PRH1: variants seen among roughly 807,000 people sequenced by gnomAD.
PRH1 encodes the protein salivary acidic proline-rich phosphoprotein 1/2.
A neutral mutation model predicts 7.9 loss-of-function variants in PRH1; 7 were observed. The observed-to-expected ratio is 0.89, with a 90% CI of 0.50 to 1.67. PRH1 has a LOEUF of 1.67. PRH1 is among the 40% of genes most tolerant of loss of function. The probability of loss-of-function intolerance (pLI) is 0.00; values close to 1 mark genes in which losing one functional copy is unlikely to be tolerated. For missense variants in PRH1, 109 were observed against 223.6 expected (o/e 0.49, Z 3.27); for synonymous variants, 45 against 80.8 (o/e 0.56, Z 2.38).
chr12:11,031,554 C>A (rs1942220214), intron 1 of PRH1: 3 of 534,536 alleles, frequency 5.6e-6, no homozygotes, highest in South Asian at 3.6e-5. Context: ...GGAAGGCGAC[C>A]CAGGCAGGTT....
At chr12:11,061,401 C>T (rs778835386) in intron 1 of PRH1, 4 of 1,613,892 alleles carry the variant, frequency 2.5e-6, no homozygotes, top group Admixed American at 3.3e-5. Flanking sequence ...TCACCCAGTA[C>T]CTCACATGCC....
intron 2 of PRH1, among the ~76,000 whole-genome samples, chr12:10,922,825 C>CTTTCTTTTT (rs1555107575): frequency 8.8e-6 from 1 of 113,550 alleles, no homozygotes; most frequent in African/African-American, 3.0e-5. Flanking sequence ...TGAATTTTTT[C>CTTTCTTTTT]TTTTTCTTTT....
At chr12:11,112,674 A>G (rs1945622819) in intron 1 of PRH1, among the ~76,000 whole-genome samples, 2 of 152,232 alleles carry the variant, frequency 1.3e-5, no homozygotes, top group South Asian at 4.1e-4. Flanking sequence ...AGTGCTATTT[A>G]TGACAAACCC....
intron 1 of PRH1, among the ~76,000 whole-genome samples, chr12:11,094,392 A>G (rs1409781628): frequency 1.8e-5 from 2 of 113,870 alleles, no homozygotes; most frequent in African/African-American, 5.9e-5. Flanking sequence ...CTCCTGCACA[A>G]AAACATAACT....
chr12:10,935,202 T>G (rs2135877713), intron 2 of PRH1, among the ~76,000 whole-genome samples: 2 of 152,302 alleles, frequency 1.3e-5, no homozygotes, highest in South Asian at 4.1e-4. Context: ...CTTATAGGAT[T>G]ATTGTCCAGG....
intron 1 of PRH1, among the ~76,000 whole-genome samples, chr12:11,043,776 T>A (rs1942808360): frequency 6.6e-6 from 1 of 152,020 alleles, no homozygotes; most frequent in African/African-American, 2.4e-5. Flanking sequence ...AAAACACTAA[T>A]GCAAGAAATT....
intron 1 of PRH1, chr12:11,133,037 T>A: frequency 7.2e-6 from 3 of 415,798 alleles, no homozygotes; most frequent in Non-Finnish European, 1.2e-5. Context: ...ATTGAGGAAT[T>A]TTTGTCATAT....
At chr12:10,937,161 C>T (rs1950301326) in intron 2 of PRH1, among the ~76,000 whole-genome samples, 1 of 151,892 alleles carries the variant, frequency 6.6e-6, no homozygotes, top group African/African-American at 2.4e-5. Context: ...TACCTTGCAG[C>T]TGCTTTCTGA....
chr12:11,044,187 T>C (rs1397961310), intron 1 of PRH1, among the ~76,000 whole-genome samples: 1 of 152,086 alleles, frequency 6.6e-6, no homozygotes, highest in East Asian at 1.9e-4. Context: ...GAACGTACAC[T>C]GGAAAAAGAC....
At chr12:11,162,182 T>C (rs1228197517) in intron 1 of PRH1, among the ~76,000 whole-genome samples, 1 of 152,180 alleles carries the variant, frequency 6.6e-6, no homozygotes, top group Non-Finnish European at 1.5e-5. Flanking sequence ...CAGAAAATGA[T>C]GGATAAGGGA....
At chr12:11,142,223 T>C (rs1946721076) in intron 1 of PRH1, among the ~76,000 whole-genome samples, 2 of 152,192 alleles carry the variant, frequency 1.3e-5, no homozygotes, top group South Asian at 4.1e-4. Context: ...CAAGCAACGA[T>C]GACCAGCTGA....
At chr12:10,977,116 T>C (rs1343522114) in intron 1 of PRH1, among the ~76,000 whole-genome samples, 1 of 151,886 alleles carries the variant, frequency 6.6e-6, no homozygotes, top group Non-Finnish European at 1.5e-5. Context: ...CAACAAAAAA[T>C]AGAAAACTTC....
chr12:11,117,323 C>T (rs886875154), downstream of PRH1, among the ~76,000 whole-genome samples: 1 of 151,918 alleles, frequency 6.6e-6, no homozygotes, highest in African/African-American at 2.4e-5. Flanking sequence ...AAAGGTCACA[C>T]ATAAAATTAA....
intron 2 of PRH1, among the ~76,000 whole-genome samples, chr12:10,893,831 A>T (rs1949608907): frequency 6.6e-6 from 1 of 152,260 alleles, no homozygotes; most frequent in Non-Finnish European, 1.5e-5. Flanking sequence ...CTTAGAGAGA[A>T]CGTAATTGTT....
chr12:11,168,220 GAAAGAAAGAAAGA>G lies in PRH1; in HGVS notation n.39+3189_39+3201del, dbSNP rs1947649285. On this transcript the variant is annotated intron_variant and non_coding_transcript_variant, in intron 1 of 1. Coordinates refer to the PRH1 transcript ENST00000541175. ...AAAAACGAAAGAAAGAAAGAAGAAA[GAAAGAAAGAAAGA>G]AAGAAAGAAAGAAAGAAAGAAAGAA... is the stretch of plus-strand genomic sequence containing the variant. Among the ~76,000 whole-genome samples the G allele has an allele frequency of 6.1e-4, 3 of 4,946 alleles. 1 individual carries two copies. Among genetic ancestry groups the G allele is most frequent in the Non-Finnish European group, 1.8e-3 (3 of 1,658 alleles). The allele number at this position is 4,946 out of a possible 152,430, so 3.2% of individuals were successfully genotyped here.
intron 2 of PRH1, among the ~76,000 whole-genome samples, chr12:10,941,703 C>A (rs944831687): frequency 1.3e-5 from 2 of 151,980 alleles, no homozygotes; most frequent in African/African-American, 2.4e-5. Context: ...TAACTAACCT[C>A]CTGAATTTTT....
chr12:11,053,611 CAT>C (rs993457889), intron 1 of PRH1, among the ~76,000 whole-genome samples: 196 of 152,090 alleles, frequency 1.3e-3, no homozygotes, highest in African/African-American at 4.3e-3. Context: ...TTGGAAATTA[CAT>C]AGACATTACC....
chr12:11,080,837 T>C (rs1944474229), intron 1 of PRH1, among the ~76,000 whole-genome samples: 1 of 103,506 alleles, frequency 9.7e-6, no homozygotes, highest in Non-Finnish European at 2.4e-5. Context: ...ATGATTCCCA[T>C]GATTCCATTG....
rs1470370095 is a variant in PRH1 at position 11,030,247 on chromosome 12, T to G, written c.-126+16773A>C. 7 of 1,254,312 alleles carry G rather than the reference T, an allele frequency of 5.6e-6. No homozygotes were observed. The African/African-American group carries it at 9.1e-5, about 16-fold the overall frequency. The allele number at this position is 1,254,312 out of a possible 1,614,324, so 77.7% of individuals were successfully genotyped here. A position where few individuals can be genotyped will look rare whatever the true frequency, so the allele number is the denominator to read the frequency against. ...CATAAACACACACATATATATATTT[T>G]TTTTTCTAGACTAATATTAGGTCAA... On this transcript the variant is annotated intron_variant, in intron 1 of 3. Transcript: ENST00000539853.
Sources: allele counts gnomAD v4.1 joint callset (sites outside exome capture counted in the v4.1 genomes callset), GRCh38; gene constraint gnomAD v4.1.1; transcripts MANE v1.5; gene names NCBI Gene and HGNC (gene_info 2026-07-23, HGNC 2026-07-21).